NSUN2: variants seen among roughly 807,000 people sequenced by gnomAD.
NSUN2 encodes the protein NOP2/Sun RNA methyltransferase 2.
NSUN2 carries 63 observed loss-of-function variants against 92.7 expected under a neutral mutation model. The observed-to-expected ratio is 0.68, with a 90% CI of 0.56 to 0.84. The LOEUF (loss-of-function observed/expected upper bound fraction) is 0.84, where lower values mean the gene tolerates loss of function less well. Ranked by LOEUF, NSUN2 falls within the 40% of genes least tolerant of loss-of-function variation. The probability of loss-of-function intolerance (pLI) is 0.00; values close to 1 mark genes in which losing one functional copy is unlikely to be tolerated. For missense variants in NSUN2, 989 were observed against 964.9 expected (o/e 1.02, Z -0.33); for synonymous variants, 356 against 348.3 (o/e 1.02, Z -0.25).
intron 18 of NSUN2, among the ~76,000 whole-genome samples, chr5:6,600,566 C>A (rs1414543381): frequency 1.3e-5 from 2 of 152,198 alleles, no homozygotes; most frequent in Non-Finnish European, 2.9e-5. Flanking sequence ...CCCCGTGTCA[C>A]CTCACCCCAC....
chr5:6,618,800 G>A (rs1024705080), intron 7 of NSUN2, among the ~76,000 whole-genome samples: 1 of 152,130 alleles, frequency 6.6e-6, no homozygotes, highest in Non-Finnish European at 1.5e-5. Context: ...GTTACTTTCT[G>A]TGTCTAATTT....
chr5:6,627,321 A>C (rs1030583653), intron 3 of NSUN2, among the ~76,000 whole-genome samples: 2 of 152,336 alleles, frequency 1.3e-5, no homozygotes, highest in Admixed American at 6.5e-5. Context: ...CTCTACTTGC[A>C]AACAGCCAAA....
At chr5:6,628,354 A>AT (rs1737739185) in intron 3 of NSUN2, among the ~76,000 whole-genome samples, 1 of 152,286 alleles carries the variant, frequency 6.6e-6, no homozygotes, top group South Asian at 2.1e-4. Flanking sequence ...AAAAAAAAAT[A>AT]TAAGTAAACA....
At chr5:6,605,481 C>A in intron 14 of NSUN2, 73 bp from the exon 15 acceptor site, 1 of 1,508,616 alleles carries the variant, frequency 6.6e-7, no homozygotes, top group South Asian at 1.2e-5. Context: ...ACATCTTATT[C>A]TCCTCCTCCA....
intron 9 of NSUN2, among the ~76,000 whole-genome samples, chr5:6,613,969 T>C (rs1006995067): frequency 2.0e-5 from 3 of 151,866 alleles, no homozygotes; most frequent in Non-Finnish European, 4.4e-5. Context: ...TGGTGGCACA[T>C]GCCTGTAGTC....
At position 6,632,960 on chromosome 5, in the gene NSUN2, C is replaced by T. The variant is rs1738001087; in HGVS notation, c.20G>A (p.Gly7Asp). The part of the protein sequence containing the change: MGRRSR[G>D]RRLQQQQRPE... ...CCGCTGCTGTTGCTGGAGCCGCCGA[C>T]CCCGCGACCGCCGCCCCATAGCCCA... Residue 7 changes from glycine to aspartate, a missense_variant, in exon 1 of 19, where the codon GGT (glycine) becomes GAT (aspartate). By Grantham distance (94) the Gly-to-Asp change is moderately conservative. Coordinates refer to ENST00000264670, the MANE Select transcript of NSUN2 (RefSeq NM_017755.6). 1.3e-6 allele frequency: 2 copies of T among 1,492,530 alleles called. No individual in the cohort carries two copies. Among genetic ancestry groups the T allele is most frequent in the Non-Finnish European group, 1.8e-6 (2 of 1,129,812 alleles). 92.5% of individuals were successfully genotyped at this position (1,492,530 alleles called of 1,614,324 possible).
Position 6,609,833 on chromosome 5 carries a change from T to C in NSUN2, c.1316A>G (p.Gln439Arg), listed in dbSNP as rs1736915252. The change falls in exon 12 of 19, where the codon CAG becomes CGG. Residue 439 changes from glutamine to arginine, a missense_variant. By Grantham distance (43) the Gln-to-Arg change is conservative. Around this residue, in one of 3 missense-constraint regions of NSUN2, gnomAD observed 626 missense variants for 602.3 expected, o/e 1.04. Coordinates refer to ENST00000264670, the MANE Select transcript of NSUN2 (RefSeq NM_017755.6). ...KKSSMPWNKRQPKLQGKSAET... is the reference protein window; with the variant it reads ...KKSSMPWNKRRPKLQGKSAET... ...GGAAAAAGAAAAACTCACCTTTGGC[T>C]GACGTTTATTCCACGGCATTGAAGA... The C allele has an allele frequency of 6.2e-7, 1 of 1,611,272 alleles. No homozygotes were observed. Among genetic ancestry groups the C allele is most frequent in the Non-Finnish European group, 8.5e-7 (1 of 1,178,944 alleles).
At position 6,622,654 on chromosome 5, in the gene NSUN2, C is replaced by T. The variant is rs551406506; in HGVS notation, c.538-554G>A. 2.6e-5 allele frequency among the ~76,000 whole-genome samples: 4 copies of T among 152,146 alleles called. No individual in the cohort carries two copies. The East Asian group carries it at 7.7e-4, about 29-fold the overall frequency. On this transcript the variant is annotated intron_variant, in intron 5 of 18. Coordinates refer to ENST00000264670, the MANE Select transcript of NSUN2 (RefSeq NM_017755.6). The stretch of plus-strand genomic sequence containing the variant: ...CCTGAGGTCGGGAGTTCGAGACCAG[C>T]CTGACCAACATGGAGAAACCCCGTC...
rs757708916 is a variant in NSUN2 at position 6,632,729 on chromosome 5, C to A, written c.124G>T (p.Val42Phe). The change falls in exon 2 of 19, where the codon GTC becomes TTC. Residue 42 changes from valine to phenylalanine, a missense_variant. This residue lies in a region of NSUN2 where 356 missense variants were observed against 338.6 expected (regional missense o/e 1.05). Coordinates refer to ENST00000264670, the MANE Select transcript of NSUN2 (RefSeq NM_017755.6). ...AGWEGGYPEI[V>F]KENKLFEHYY... is the part of the protein sequence containing the mutation. ...TGCTCGAACAGCTTGTTCTCCTTGA[C>A]GATCTCGGGGTAGCCTCCTTCCCAG... The A allele has an allele frequency of 2.5e-6, 4 of 1,614,060 alleles. No individual in the cohort carries two copies. Among genetic ancestry groups the A allele is most frequent in the Non-Finnish European group, 3.4e-6 (4 of 1,179,952 alleles).
intron 8 of NSUN2, among the ~76,000 whole-genome samples, chr5:6,617,687 G>C (rs777972384): frequency 6.6e-6 from 1 of 152,190 alleles, no homozygotes; most frequent in Non-Finnish European, 1.5e-5. Context: ...GTCATTTCAT[G>C]GAAAAATACA....
chr5:6,623,583 G>C (rs774565445), intron 4 of NSUN2, among the ~76,000 whole-genome samples: 4 of 152,236 alleles, frequency 2.6e-5, no homozygotes, highest in Non-Finnish European at 4.4e-5. Flanking sequence ...ACAGAAGCTA[G>C]AGGGGCAGCT....
intron 15 of NSUN2, 75 bp from the exon 16 acceptor site, chr5:6,604,760 T>C (rs1053470173): frequency 8.2e-7 from 1 of 1,223,890 alleles, no homozygotes; most frequent in Non-Finnish European, 1.2e-6. Flanking sequence ...CCGGGCCACA[T>C]GGAGCAACCG....
At chr5:6,621,697 A>G (rs575128632) in intron 6 of NSUN2, 268 of 197,070 alleles carry the variant, frequency 1.4e-3, no homozygotes, top group African/African-American at 6.1e-3. Context: ...GCAGTGAGCC[A>G]ACATCACGCC....
At chr5:6,615,442 T>C (rs1474749317) in intron 9 of NSUN2, among the ~76,000 whole-genome samples, 1 of 152,164 alleles carries the variant, frequency 6.6e-6, no homozygotes, top group African/African-American at 2.4e-5. Context: ...ACAACTAAAC[T>C]ATTATGTGCC....
At chr5:6,608,377 C>G (rs760478699) in intron 12 of NSUN2, among the ~76,000 whole-genome samples, 1 of 152,174 alleles carries the variant, frequency 6.6e-6, no homozygotes, top group African/African-American at 2.4e-5. Context: ...CTTCCCTGGC[C>G]TAACTTCTAG....
chr5:6,614,654 T>C (rs1737139955), intron 9 of NSUN2, among the ~76,000 whole-genome samples: 1 of 152,126 alleles, frequency 6.6e-6, no homozygotes, highest in African/African-American at 2.4e-5. Flanking sequence ...GTTGGCACGT[T>C]CAGGAAATGG....
At chr5:6,625,712 A>G (rs772543173) in intron 3 of NSUN2, 43 bp from the exon 4 acceptor site, 30 of 1,423,232 alleles carry the variant, frequency 2.1e-5, no homozygotes, top group Non-Finnish European at 2.9e-5. Context: ...TATAAATACT[A>G]AAGTCGTCTG....
rs760872450 is a variant in NSUN2 at position 6,611,448 on chromosome 5, T to TAAAAAAA, written c.1095+270_1095+276dup. Among the ~76,000 whole-genome samples, 430 of 85,864 alleles carry TAAAAAAA rather than the reference T, an allele frequency of 5.0e-3. 16 individuals carry two copies. In the East Asian group the frequency reaches 0.061, roughly 12 times the overall value. The allele number at this position is 85,864 out of a possible 152,430, so 56.3% of individuals were successfully genotyped here. A position where few individuals can be genotyped will look rare whatever the true frequency, so the allele number is the denominator to read the frequency against. On this transcript the variant is annotated intron_variant, in intron 10 of 18. Coordinates refer to ENST00000264670, the MANE Select transcript of NSUN2 (RefSeq NM_017755.6). ...ACAAGGCTTGAATCCCGGCCCAATTTAAAAAAAAAAAAAAAAAGCAAAGCT... is the reference window on the plus strand; with the variant it reads ...ACAAGGCTTGAATCCCGGCCCAATTTAAAAAAAAAAAAAAAAAAAAAAAAGCAAAGCT...
intron 18 of NSUN2, among the ~76,000 whole-genome samples, chr5:6,601,144 T>C (rs564457): frequency 0.11 from 14,493 of 133,278 alleles, 1,053 homozygotes; most frequent in African/African-American, 0.24. Context: ...ATATAAGAAA[T>C]TCCCAACTCC....
Sources: gnomAD v4.1 joint callset for allele counts (sites outside exome capture counted in the v4.1 genomes callset) on GRCh38, gnomAD v4.1.1 for gene constraint, gnomAD v4.1.1 regional missense constraint, MANE v1.5 for transcripts, NCBI Gene and HGNC (gene_info 2026-07-23, HGNC 2026-07-21) for gene names.